Variants in MYT1L observed in about 807,000 individuals in gnomAD.
MYT1L encodes the protein myelin transcription factor 1 like, also known as myelin transcription factor 1-like protein.
A neutral mutation model predicts 126.7 loss-of-function variants in MYT1L; 12 were observed. That is an observed-to-expected ratio of 0.09 (90% CI 0.06 to 0.15). The LOEUF is 0.15. Among genes scored for constraint, MYT1L ranks in the 10% least tolerant of loss-of-function variants. The probability of loss-of-function intolerance (pLI) is 1.00; values close to 1 mark genes in which losing one functional copy is unlikely to be tolerated. For missense variants in MYT1L, 979 were observed against 1,585.2 expected (o/e 0.62, Z 6.49); for synonymous variants, 541 against 604.2 (o/e 0.90, Z 1.53).
At chr2:2,065,840 A>ACG (rs1296819750) in intron 3 of MYT1L, among the ~76,000 whole-genome samples, 2 of 137,186 alleles carry the variant, frequency 1.5e-5, no homozygotes, top group African/African-American at 5.5e-5. Flanking sequence ...ACACACACAC[A>ACG]CACACACGCA....
rs151092502 is a variant in MYT1L, at chr2:2,269,578, C to T, written c.-421+14826G>A. On this transcript the variant is annotated intron_variant, in intron 2 of 24. Transcript: ENST00000647738. ...TTGCATTCTCTCCACATGCTCTTCC[C>T]TCCAAGCTGTCATAGAGATTCCCAA... is the stretch of plus-strand genomic sequence containing the variant. 2.6e-3 allele frequency among the ~76,000 whole-genome samples: 389 copies of T among 152,310 alleles called. 1 individual carries two copies. Among genetic ancestry groups the T allele is most frequent in the African/African-American group, 9.1e-3 (378 of 41,570 alleles).
chr2:2,073,845 C>T (rs559265896), intron 3 of MYT1L, among the ~76,000 whole-genome samples: 4 of 152,212 alleles, frequency 2.6e-5, no homozygotes, highest in Admixed American at 1.3e-4. Context: ...CAAGGAAGGC[C>T]GCCTAACTTT....
chr2:2,217,526 T>C (rs192946681), intron 2 of MYT1L, among the ~76,000 whole-genome samples: 4 of 151,466 alleles, frequency 2.6e-5, no homozygotes, highest in Admixed American at 2.6e-4. Context: ...CTACTAAAAA[T>C]ACAAAAATTA....
At chr2:1,841,180 T>G (rs1382442253) in intron 19 of MYT1L, 1 of 169,616 alleles carries the variant, frequency 5.9e-6, no homozygotes, top group Non-Finnish European at 1.1e-5. Flanking sequence ...TTTTTTTTTT[T>G]TGAGACAGAG....
chr2:2,155,029 A>T (rs545336234), intron 3 of MYT1L, among the ~76,000 whole-genome samples: 17 of 152,294 alleles, frequency 1.1e-4, no homozygotes, highest in Admixed American at 2.6e-4. Flanking sequence ...CGGGAGGCTG[A>T]GGCAGGAGAA....
chr2:1,955,962 G>C (rs2058304195), intron 8 of MYT1L, among the ~76,000 whole-genome samples: 1 of 152,198 alleles, frequency 6.6e-6, no homozygotes, highest in Non-Finnish European at 1.5e-5. Flanking sequence ...ATTTAATAGA[G>C]CTTAATATGA....
intron 2 of MYT1L, among the ~76,000 whole-genome samples, chr2:2,238,751 G>T (rs766087461): frequency 2.4e-4 from 37 of 152,364 alleles, no homozygotes; most frequent in Non-Finnish European, 5.0e-4. Context: ...TGCAACGATT[G>T]TAAGTGTAGT....
At chr2:2,030,322 C>A (rs2066093355) in intron 4 of MYT1L, among the ~76,000 whole-genome samples, 1 of 152,250 alleles carries the variant, frequency 6.6e-6, no homozygotes, top group East Asian at 1.9e-4. Flanking sequence ...TGGTCTCGAT[C>A]TCCTGACCTC....
chr2:1,975,039 C>A (rs1390004758), intron 8 of MYT1L, among the ~76,000 whole-genome samples: 2 of 152,096 alleles, frequency 1.3e-5, no homozygotes, highest in African/African-American at 4.8e-5. Flanking sequence ...TTACTCCTAC[C>A]AAAAAATTTT....
At chr2:2,193,722 G>C (rs958509009) in intron 2 of MYT1L, among the ~76,000 whole-genome samples, 10 of 152,156 alleles carry the variant, frequency 6.6e-5, no homozygotes, top group African/African-American at 2.4e-4. Flanking sequence ...CTGTGATTTT[G>C]ATCAGATTTG....
At chr2:2,245,414 G>A (rs2094516359) in intron 2 of MYT1L, among the ~76,000 whole-genome samples, 1 of 151,936 alleles carries the variant, frequency 6.6e-6, no homozygotes, top group East Asian at 1.9e-4. Context: ...TTCTTCAGGA[G>A]AAGAAAAGAC....
intron 18 of MYT1L, among the ~76,000 whole-genome samples, chr2:1,865,412 G>A (rs1032615688): frequency 2.6e-5 from 4 of 152,288 alleles, no homozygotes; most frequent in African/African-American, 9.6e-5. Flanking sequence ...TTTGGCCTGA[G>A]GCTCTGCCAT....
intron 2 of MYT1L, among the ~76,000 whole-genome samples, chr2:2,198,976 G>A (rs953848744): frequency 1.3e-5 from 2 of 152,116 alleles, no homozygotes; most frequent in Non-Finnish European, 2.9e-5. Context: ...CAATTACCAC[G>A]TGTCAATTAT....
intron 1 of MYT1L, among the ~76,000 whole-genome samples, chr2:2,305,323 C>T (rs997370664): frequency 9.2e-5 from 14 of 152,152 alleles, no homozygotes; most frequent in Admixed American, 2.6e-4. Context: ...TATATTCATT[C>T]CTACAGTTGA....
intron 18 of MYT1L, among the ~76,000 whole-genome samples, chr2:1,867,691 T>C (rs6735818): frequency 0.062 from 9,412 of 152,250 alleles, 350 homozygotes; most frequent in Non-Finnish European, 0.073. Context: ...CATATGCCTC[T>C]GTCTGCAATT....
chr2:2,020,882 C>G (rs1022822201), intron 4 of MYT1L, among the ~76,000 whole-genome samples: 4 of 152,192 alleles, frequency 2.6e-5, no homozygotes, highest in Non-Finnish European at 5.9e-5. Flanking sequence ...TGATGTAAAA[C>G]AGGAACCTGA....
chr2:2,211,157 T>C (rs2093491123), intron 2 of MYT1L, among the ~76,000 whole-genome samples: 1 of 152,214 alleles, frequency 6.6e-6, no homozygotes, highest in Non-Finnish European at 1.5e-5. Flanking sequence ...TAAAATCATA[T>C]CATCTGCAAA....
chr2:2,017,021 G>A (rs1295398814), intron 4 of MYT1L, among the ~76,000 whole-genome samples: 3 of 152,232 alleles, frequency 2.0e-5, no homozygotes, highest in Non-Finnish European at 4.4e-5. Context: ...AAGGCCTATC[G>A]ACAGCTGTGC....
intron 18 of MYT1L, among the ~76,000 whole-genome samples, chr2:1,873,151 TC>T (rs954250401): frequency 2.2e-4 from 33 of 152,336 alleles, no homozygotes; most frequent in Admixed American, 1.8e-3. Flanking sequence ...TTTGAGACCC[TC>T]CCAGGTTTTC....
Sources: allele counts gnomAD v4.1 joint callset (sites outside exome capture counted in the v4.1 genomes callset), GRCh38; gene constraint gnomAD v4.1.1; transcripts MANE v1.5; gene names NCBI Gene and HGNC (gene_info 2026-07-23, HGNC 2026-07-21).